The following DTNA variants were observed in gnomAD, a reference collection of about 807,000 sequenced individuals.
DTNA encodes the protein dystrophin-related protein 3.
DTNA carries 43 observed loss-of-function variants against 100.7 expected under a neutral mutation model. The observed-to-expected ratio is 0.43, with a 90% CI of 0.33 to 0.55. The LOEUF (loss-of-function observed/expected upper bound fraction) is 0.55. DTNA is among the 20% of genes least tolerant of loss of function. The pLI, the probability that DTNA is intolerant of heterozygous loss-of-function variation, is 0.04. For missense variants in DTNA, 798 were observed against 953.9 expected (o/e 0.84, Z 2.15); for synonymous variants, 349 against 347.9 (o/e 1.00, Z -0.04).
chr18:34,616,204 G>T (rs2055249126), intron 1 of DTNA, among the ~76,000 whole-genome samples: 1 of 152,094 alleles, frequency 6.6e-6, no homozygotes, highest in Non-Finnish European at 1.5e-5. Context: ...ATTTCCACTA[G>T]CAACGTATAA....
At chr18:34,779,297 A>G (rs892309695) in intron 3 of DTNA, among the ~76,000 whole-genome samples, 12 of 152,202 alleles carry the variant, frequency 7.9e-5, no homozygotes, top group African/African-American at 2.9e-4. Context: ...TCATGTGCAG[A>G]TGGGTTCATA....
At chr18:34,809,725 C>T (rs1224772722) in intron 5 of DTNA, among the ~76,000 whole-genome samples, 1 of 152,162 alleles carries the variant, frequency 6.6e-6, no homozygotes, top group African/African-American at 2.4e-5. Context: ...GCAAGAATAA[C>T]TGGCTGAAAA....
At chr18:34,753,366 A>ATTTTTTTTTTT (rs757853063) in intron 1 of DTNA, among the ~76,000 whole-genome samples, 1 of 133,150 alleles carries the variant, frequency 7.5e-6, no homozygotes, top group African/African-American at 3.2e-5. Context: ...TATTTATTTT[A>ATTTTTTTTTTT]TTTTTTTTTT....
At chr18:34,663,412 G>T (rs1398792811) in intron 1 of DTNA, among the ~76,000 whole-genome samples, 1 of 152,138 alleles carries the variant, frequency 6.6e-6, no homozygotes, top group Non-Finnish European at 1.5e-5. Flanking sequence ...CGATTCTCCT[G>T]CCTTGGCCTC....
intron 1 of DTNA, among the ~76,000 whole-genome samples, chr18:34,660,295 G>A (rs2075006333): frequency 1.3e-5 from 2 of 151,734 alleles, no homozygotes; most frequent in African/African-American, 4.8e-5. Flanking sequence ...AGGAAGTGGG[G>A]GGTCAGACAT....
chr18:34,573,449 A>C (rs1382092830), intron 1 of DTNA, among the ~76,000 whole-genome samples: 1 of 152,188 alleles, frequency 6.6e-6, no homozygotes, highest in Admixed American at 6.5e-5. Context: ...ATTAGTCTCA[A>C]TAGGCACCTG....
intron 1 of DTNA, among the ~76,000 whole-genome samples, chr18:34,608,012 G>T (rs1209794763): frequency 2.0e-5 from 3 of 152,170 alleles, no homozygotes; most frequent in Non-Finnish European, 4.4e-5. Flanking sequence ...AAATCCCTAT[G>T]ATTTGAATCT....
intron 1 of DTNA, among the ~76,000 whole-genome samples, chr18:34,673,778 C>G (rs1240195797): frequency 6.6e-6 from 1 of 152,162 alleles, no homozygotes; most frequent in Non-Finnish European, 1.5e-5. Flanking sequence ...ATATTGTTCT[C>G]TCTGCTTTAT....
chr18:34,518,598 G>A (rs548230179), intron 1 of DTNA, among the ~76,000 whole-genome samples: 12 of 150,736 alleles, frequency 8.0e-5, no homozygotes, highest in African/African-American at 2.9e-4. Context: ...TTTGTATAAG[G>A]TCTGAGATTT....
chr18:34,538,605 G>A (rs1382191629), intron 1 of DTNA, among the ~76,000 whole-genome samples: 1 of 151,912 alleles, frequency 6.6e-6, no homozygotes, highest in African/African-American at 2.4e-5. Context: ...TATGAAGATA[G>A]CAAGAAAATA....
chr18:34,599,531 A>C (rs1170261973), intron 1 of DTNA, among the ~76,000 whole-genome samples: 1 of 152,230 alleles, frequency 6.6e-6, no homozygotes. Flanking sequence ...CAATGAATTT[A>C]ATTAACAATT....
At chr18:34,560,586 T>C (rs1411618800) in intron 1 of DTNA, among the ~76,000 whole-genome samples, 6 of 152,172 alleles carry the variant, frequency 3.9e-5, no homozygotes, top group African/African-American at 1.4e-4. Flanking sequence ...TTCATGGTAG[T>C]TATAGAGAAT....
chr18:34,779,129 A>G (rs555142241), intron 3 of DTNA, among the ~76,000 whole-genome samples: 1 of 152,362 alleles, frequency 6.6e-6, no homozygotes, highest in Admixed American at 6.5e-5. Context: ...ACAGAAAAAA[A>G]CATTCATGTA....
chr18:34,714,758 G>C (rs35118890), intron 1 of DTNA, among the ~76,000 whole-genome samples: 16,671 of 152,032 alleles, frequency 0.11, 1,292 homozygotes, highest in African/African-American at 0.21. Context: ...ACATGCACAC[G>C]TATGTTTATT....
In DTNA at chr18:34,847,424, A is replaced by T. The variant is rs542745328; in HGVS notation, c.1347-872A>T. 2.0e-5 allele frequency among the ~76,000 whole-genome samples: 3 copies of T among 152,334 alleles called. No individual in the cohort carries two copies. In the South Asian group the frequency reaches 6.2e-4, roughly 32 times the overall value. The stretch of plus-strand genomic sequence containing the variant: ...ATTAGTTACCTTATGCTGCATAACA[A>T]ATTATCCCAAAAGTTAGTAGCTTAA... On this transcript the variant is annotated intron_variant, in intron 13 of 22. Transcript: ENST00000444659.
chr18:34,797,927 T>C lies in DTNA; in HGVS notation c.362+3677T>C, dbSNP rs115486870. Among the ~76,000 whole-genome samples, 642 of 152,328 alleles carry C rather than the reference T, an allele frequency of 4.2e-3. 5 individuals carry two copies. The highest frequency in any genetic ancestry group is 0.015 in the African/African-American group (614 of 41,594). ...TTCTTATGAACAGCACCTGAGACCA[T>C]AGCCAACACAAGAATGAATCAATGA... On this transcript the variant is annotated intron_variant, in intron 4 of 22. Transcript: ENST00000444659.
intron 1 of DTNA, among the ~76,000 whole-genome samples, chr18:34,575,613 T>C (rs1598683853): frequency 6.6e-6 from 1 of 152,342 alleles, no homozygotes; most frequent in East Asian, 1.9e-4. Flanking sequence ...ATTTTCCATT[T>C]CCCTAAAGTT....
intron 1 of DTNA, among the ~76,000 whole-genome samples, chr18:34,621,699 A>G (rs1002596631): frequency 6.6e-6 from 1 of 152,208 alleles, no homozygotes; most frequent in Non-Finnish European, 1.5e-5. Context: ...TGTTAGTCAA[A>G]GGATACATTT....
chr18:34,700,222 T>G (rs536491398), intron 1 of DTNA, among the ~76,000 whole-genome samples: 13 of 152,312 alleles, frequency 8.5e-5, no homozygotes, highest in African/African-American at 3.1e-4. Flanking sequence ...ACCCAATCAA[T>G]ACCCTCATCA....
Sources: gnomAD v4.1 joint callset for allele counts (sites outside exome capture counted in the v4.1 genomes callset) on GRCh38, gnomAD v4.1.1 for gene constraint, MANE v1.5 for transcripts, NCBI Gene and HGNC (gene_info 2026-07-23, HGNC 2026-07-21) for gene names.